The following PITPNC1 variants were observed in gnomAD, a reference collection of about 807,000 sequenced individuals.
The protein encoded by PITPNC1 is phosphatidylinositol transfer protein cytoplasmic 1.
Under a neutral mutation model 44.7 loss-of-function variants are expected in PITPNC1, and 18 were observed. The ratio of observed to expected loss-of-function variants is 0.40; its 90% CI spans 0.28 to 0.60. The LOEUF (loss-of-function observed/expected upper bound fraction) is 0.60, where lower values mean the gene tolerates loss of function less well. PITPNC1 is among the 20% of genes least tolerant of loss of function. PITPNC1 has a pLI of 0.39. For synonymous variants in PITPNC1, 141 were observed against 149.6 expected (o/e 0.94, Z 0.42); for missense variants, 290 against 418.4 (o/e 0.69, Z 2.68).
intron 1 of PITPNC1, among the ~76,000 whole-genome samples, chr17:67,509,599 T>TTAAA (rs2040154569): frequency 1.3e-5 from 2 of 149,112 alleles, no homozygotes; most frequent in South Asian, 4.2e-4. Context: ...AATAAATAAA[T>TTAAA]AAAACGTGTT....
At chr17:67,686,902 T>G (rs558533777) in intron 8 of PITPNC1, among the ~76,000 whole-genome samples, 1 of 152,312 alleles carries the variant, frequency 6.6e-6, no homozygotes, top group East Asian at 1.9e-4. Flanking sequence ...ACTCCCCCTT[T>G]GGTTGGTTTA....
chr17:67,454,807 A>G (rs1053417736), intron 1 of PITPNC1, among the ~76,000 whole-genome samples: 2 of 141,970 alleles, frequency 1.4e-5, no homozygotes, highest in Admixed American at 7.1e-5. Flanking sequence ...ATATTTCATT[A>G]TTTTTTATTT....
intron 1 of PITPNC1, among the ~76,000 whole-genome samples, chr17:67,433,307 G>A (rs1014716890): frequency 6.6e-6 from 1 of 152,208 alleles, no homozygotes; most frequent in African/African-American, 2.4e-5. Flanking sequence ...GGTCTTAGCC[G>A]CGGGCTGCGG....
intron 7 of PITPNC1, among the ~76,000 whole-genome samples, chr17:67,674,795 C>T (rs956648992): frequency 1.3e-5 from 2 of 151,834 alleles, no homozygotes; most frequent in East Asian, 1.9e-4. Flanking sequence ...GGGTGGATGA[C>T]GAGGTCAAGA....
At chr17:67,506,869 A>G (rs1439023039) in intron 1 of PITPNC1, among the ~76,000 whole-genome samples, 1 of 152,244 alleles carries the variant, frequency 6.6e-6, no homozygotes, top group East Asian at 1.9e-4. Context: ...TCTAAAAAAA[A>G]TTCAAAACCA....
chr17:67,384,194 T>G (rs1294900742), intron 1 of PITPNC1, among the ~76,000 whole-genome samples: 1 of 151,158 alleles, frequency 6.6e-6, no homozygotes, highest in Admixed American at 6.6e-5. Context: ...AACACTCCCC[T>G]CCCCTCCGAG....
intron 2 of PITPNC1, among the ~76,000 whole-genome samples, chr17:67,535,657 G>T (rs1189666815): frequency 1.3e-5 from 2 of 152,088 alleles, no homozygotes; most frequent in Non-Finnish European, 1.5e-5. Context: ...TAAGGAAAAA[G>T]ATTAATGGGG....
intron 1 of PITPNC1, among the ~76,000 whole-genome samples, chr17:67,425,699 A>AAT (rs1555649846): frequency 2.0e-5 from 3 of 149,686 alleles, no homozygotes; most frequent in Admixed American, 6.7e-5. Context: ...TTAAAAAAAA[A>AAT]TTTTTTTTTT....
At chr17:67,492,572 G>A (rs1446147600) in intron 1 of PITPNC1, among the ~76,000 whole-genome samples, 1 of 152,126 alleles carries the variant, frequency 6.6e-6, no homozygotes, top group East Asian at 1.9e-4. Flanking sequence ...CACCAAGTTT[G>A]TGGTGATTTG....
At chr17:67,582,863 G>T (rs1213867582) in intron 5 of PITPNC1, among the ~76,000 whole-genome samples, 1 of 152,228 alleles carries the variant, frequency 6.6e-6, no homozygotes, top group African/African-American at 2.4e-5. Flanking sequence ...GCTTAGCACT[G>T]CCTGGTTCAG....
At chr17:67,617,897 G>T (rs2041780318) in intron 5 of PITPNC1, among the ~76,000 whole-genome samples, 1 of 152,066 alleles carries the variant, frequency 6.6e-6, no homozygotes, top group African/African-American at 2.4e-5. Flanking sequence ...AATTACATCT[G>T]CAAAGACCCT....
chr17:67,411,467 A>T (rs1276274890), intron 1 of PITPNC1, among the ~76,000 whole-genome samples: 2 of 152,130 alleles, frequency 1.3e-5, no homozygotes, highest in Non-Finnish European at 2.9e-5. Flanking sequence ...CCTGCCTGGT[A>T]GAGAAGCATG....
At chr17:67,658,875 A>G (rs781026597) in intron 6 of PITPNC1, among the ~76,000 whole-genome samples, 28 of 152,048 alleles carry the variant, frequency 1.8e-4, no homozygotes, top group African/African-American at 6.5e-4. Context: ...GCAGGGGGGA[A>G]GCCATGTCTT....
intron 1 of PITPNC1, among the ~76,000 whole-genome samples, chr17:67,476,657 TA>T (rs1449874695): frequency 2.0e-5 from 3 of 152,168 alleles, no homozygotes; most frequent in South Asian, 2.1e-4. Context: ...AATTTTTGTT[TA>T]TTTTTTTGTA....
chr17:67,601,106 C>G (rs2041533663), intron 5 of PITPNC1, among the ~76,000 whole-genome samples: 1 of 152,124 alleles, frequency 6.6e-6, no homozygotes, highest in Non-Finnish European at 1.5e-5. Flanking sequence ...GATTTCACCC[C>G]AAGCAGCCTG....
chr17:67,672,230 G>A (rs1444114688), intron 7 of PITPNC1, among the ~76,000 whole-genome samples: 2 of 151,746 alleles, frequency 1.3e-5, no homozygotes, highest in Middle Eastern at 3.4e-3. Context: ...CACCATGCCC[G>A]GCTTCATAGT....
intron 4 of PITPNC1, among the ~76,000 whole-genome samples, chr17:67,567,356 T>C (rs1226394192): frequency 1.3e-5 from 2 of 152,056 alleles, no homozygotes; most frequent in African/African-American, 4.8e-5. Flanking sequence ...TGGTGGCAGG[T>C]GCCTATAGTC....
At chr17:67,435,550 G>C (rs887152332) in intron 1 of PITPNC1, among the ~76,000 whole-genome samples, 2 of 152,202 alleles carry the variant, frequency 1.3e-5, no homozygotes, top group Non-Finnish European at 2.9e-5. Flanking sequence ...AAGTGAACAA[G>C]GACACAAATA....
intron 5 of PITPNC1, among the ~76,000 whole-genome samples, chr17:67,590,834 T>A (rs2041380112): frequency 6.6e-6 from 1 of 151,868 alleles, no homozygotes; most frequent in Non-Finnish European, 1.5e-5. Flanking sequence ...GCACCTGTAA[T>A]CCCAGCTACT....
Sources: allele counts gnomAD v4.1 joint callset (sites outside exome capture counted in the v4.1 genomes callset), GRCh38; gene constraint gnomAD v4.1.1; transcripts MANE v1.5; gene names NCBI Gene and HGNC (gene_info 2026-07-23, HGNC 2026-07-21).